ANAPC1: variants seen among roughly 807,000 people sequenced by gnomAD.
ANAPC1 encodes anaphase promoting complex subunit 1.
In ANAPC1, 36 loss-of-function variants were observed where a neutral mutation model predicts 208.0. The observed-to-expected ratio is 0.17, with a 90% confidence interval of 0.13 to 0.23. The LOEUF (loss-of-function observed/expected upper bound fraction) is 0.23. Among genes scored for constraint, ANAPC1 ranks in the 10% least tolerant of loss-of-function variants. The pLI is 1.00. For synonymous variants in ANAPC1, 378 were observed against 695.2 expected, an observed-to-expected ratio of 0.54 and a Z score of 7.18; for missense variants, 942 against 2,011.6, an observed-to-expected ratio of 0.47 and a Z score of 10.17.
At chr2:111,773,858 G>A (rs1464215613) in intron 46 of ANAPC1, among the ~76,000 whole-genome samples, 3 of 151,976 alleles carry the variant, frequency 2.0e-5, no homozygotes, top group East Asian at 3.9e-4. Flanking sequence ...AGGTCACACA[G>A]GTCCTGGTGC....
chr2:111,856,999 C>T (rs1681764960), intron 11 of ANAPC1, 113 bp from the exon 12 acceptor site: 1 of 712,968 alleles, frequency 1.4e-6, no homozygotes, highest in African/African-American at 1.8e-5. Flanking sequence ...CTGTATGAGC[C>T]CATTTATATA....
rs1377853608 is a variant in ANAPC1, at chr2:111,856,737, TTTTGAC to T, written c.1449+53_1449+58del. The T allele has an allele frequency of 6.2e-6, 10 of 1,613,480 alleles. No homozygotes were observed. The South Asian group carries it at 1.1e-4, about 18-fold the overall frequency. On this transcript the variant is annotated intron_variant, in intron 12 of 47. Transcript: ENST00000341068. ...CCCAATCTGAGCAAATTAACAGATT[TTTTGAC>T]TGAAAAATCTGTTGAAGCGTAATTG...
intron 17 of ANAPC1, among the ~76,000 whole-genome samples, 200 bp from the exon 18 acceptor site, chr2:111,838,712 A>G (rs1427039513): frequency 1.3e-5 from 2 of 152,238 alleles, no homozygotes; most frequent in Non-Finnish European, 2.9e-5. Context: ...TCATATTAAT[A>G]TATGCAAACA....
chr2:111,823,521 A>G (rs1357606731), intron 24 of ANAPC1, among the ~76,000 whole-genome samples: 8 of 152,098 alleles, frequency 5.3e-5, no homozygotes, highest in Admixed American at 5.2e-4. Flanking sequence ...GAGATGGAGA[A>G]AGGGGTGAGT....
intron 16 of ANAPC1, among the ~76,000 whole-genome samples, chr2:111,845,678 C>T (rs960638304): frequency 4.6e-5 from 7 of 151,926 alleles, no homozygotes; most frequent in Non-Finnish European, 1.0e-4. Flanking sequence ...CTTGTGATTA[C>T]GAAATACCTT....
In ANAPC1 at chr2:111,873,643, T is replaced by C. The variant is rs1682877319; in HGVS notation, c.397A>G (p.Ile133Val). 3.2e-6 allele frequency: 5 copies of C among 1,586,958 alleles called. No individual in the cohort carries two copies. The change falls in exon 4 of 48, where the codon ATA (isoleucine) becomes GTA (valine). Residue 133 changes from isoleucine (I) to valine (V), a missense_variant. Coordinates refer to ENST00000341068, the MANE Select transcript of ANAPC1 (RefSeq NM_022662.4). ...GCCTTTTCAGACTTATCCTGTGATA[T>C]AATGAAGTCACACCACAATGCCTAA... ...VQQALWCDFI[I>V]SQDKSEKAYS... is the part of the protein sequence containing the mutation.
intron 18 of ANAPC1, among the ~76,000 whole-genome samples, chr2:111,837,452 T>G (rs1308772814): frequency 6.6e-6 from 1 of 152,110 alleles, no homozygotes; most frequent in African/African-American, 2.4e-5. Context: ...AAACCCCATC[T>G]CTACTAAAAA....
chr2:111,883,165 C>CA (rs141124163), intron 1 of ANAPC1, among the ~76,000 whole-genome samples: 16,870 of 108,236 alleles, frequency 0.16, 1,464 homozygotes, highest in East Asian at 0.4. Context: ...GACTCCTTCT[C>CA]AAAAAAAAAA....
At chr2:111,823,338 C>A (rs1201494950) in intron 24 of ANAPC1, among the ~76,000 whole-genome samples, 1 of 152,010 alleles carries the variant, frequency 6.6e-6, no homozygotes, top group Non-Finnish European at 1.5e-5. Context: ...AATGCTTATC[C>A]ATAGCCAATG....
At position 111,767,690 on chromosome 2, in the gene ANAPC1, G is replaced by A. The variant is rs946022486; in HGVS notation, c.*1601C>T. 1 of 121,942 alleles carries A rather than the reference G, an allele frequency of 8.2e-6. No individual in the cohort carries two copies. The highest frequency in any genetic ancestry group is 1.7e-5 in the Non-Finnish European group (1 of 57,488). 7.6% of individuals were successfully genotyped at this position (121,942 alleles called of 1,614,324 possible). A position where few individuals can be genotyped will look rare whatever the true frequency, so the allele number is the denominator to read the frequency against. On this transcript the variant is annotated 3_prime_UTR_variant, in exon 48 of 48. Transcript: ENST00000341068. ...GGAAAAGCACACAATCGTAAACAACGGAGAGTGAAGACAGTAACAACTGGT... is the reference window on the plus strand; with the variant it reads ...GGAAAAGCACACAATCGTAAACAACAGAGAGTGAAGACAGTAACAACTGGT...
chr2:111,852,973 G>A (rs1007669861), intron 13 of ANAPC1, among the ~76,000 whole-genome samples: 2 of 149,762 alleles, frequency 1.3e-5, no homozygotes, highest in African/African-American at 2.4e-5. Context: ...GAGTAACAGA[G>A]AGAGATACTG....
At chr2:111,810,824 A>G (rs1678947343) in intron 28 of ANAPC1, among the ~76,000 whole-genome samples, 1 of 138,180 alleles carries the variant, frequency 7.2e-6, no homozygotes, top group Non-Finnish European at 1.5e-5. Flanking sequence ...TAGAGGTTGC[A>G]GTGAGACGAG....
chr2:111,788,011 T>C (rs1475033983), intron 39 of ANAPC1, among the ~76,000 whole-genome samples: 1 of 151,100 alleles, frequency 6.6e-6, no homozygotes, highest in Non-Finnish European at 1.5e-5. Flanking sequence ...TCTATAGATC[T>C]GAGAATGGTG....
chr2:111,883,775 G>A (rs1683458006), intron 1 of ANAPC1, among the ~76,000 whole-genome samples, 167 bp downstream of exon 1: 1 of 152,178 alleles, frequency 6.6e-6, no homozygotes, highest in Non-Finnish European at 1.5e-5. Flanking sequence ...GGCCAGGAGC[G>A]CCCGCAGGCC....
intron 39 of ANAPC1, among the ~76,000 whole-genome samples, chr2:111,786,697 C>CA (rs556240529): frequency 0.043 from 2,756 of 63,636 alleles, 94 homozygotes; most frequent in African/African-American, 0.13. Context: ...GACTCTGTCT[C>CA]AAAAAAAAAA....
At chr2:111,879,397 A>G (rs1221347566) in intron 2 of ANAPC1, among the ~76,000 whole-genome samples, 1 of 152,164 alleles carries the variant, frequency 6.6e-6, no homozygotes, top group African/African-American at 2.4e-5. Flanking sequence ...TCACATATAT[A>G]TTCACCTTCT....
chr2:111,855,616 G>A (rs914371516), intron 13 of ANAPC1, among the ~76,000 whole-genome samples: 7 of 152,126 alleles, frequency 4.6e-5, no homozygotes, highest in Non-Finnish European at 7.4e-5. Context: ...CGAGTACATG[G>A]TATCTTTTTT....
At chr2:111,787,637 T>C (rs926505791) in intron 39 of ANAPC1, among the ~76,000 whole-genome samples, 1 of 152,138 alleles carries the variant, frequency 6.6e-6, no homozygotes, top group African/African-American at 2.4e-5. Flanking sequence ...TGTCTCAAAC[T>C]ATATCTAGGG....
chr2:111,866,798 C>G (rs1262765330), intron 7 of ANAPC1, among the ~76,000 whole-genome samples: 1 of 126,000 alleles, frequency 7.9e-6, no homozygotes, highest in Non-Finnish European at 1.6e-5. Flanking sequence ...GGAAATTGTA[C>G]TTAAAAAAAA....
Sources: allele counts gnomAD v4.1 joint callset (sites outside exome capture counted in the v4.1 genomes callset), GRCh38; gene constraint gnomAD v4.1.1; transcripts MANE v1.5; gene names NCBI Gene and HGNC (gene_info 2026-07-23, HGNC 2026-07-21).